The following FRMD4B variants were observed in gnomAD, a reference collection of about 807,000 sequenced individuals.
FRMD4B encodes the protein FERM domain containing 4B.
A neutral mutation model predicts 141.5 loss-of-function variants in FRMD4B; 74 were observed. The observed-to-expected ratio is 0.52, with a 90% CI of 0.43 to 0.63. The LOEUF is 0.63. Among genes scored for constraint, FRMD4B ranks in the 30% least tolerant of loss-of-function variants. The pLI, the probability that FRMD4B is intolerant of heterozygous loss-of-function variation, is 0.00. For missense variants in FRMD4B, 1,366 were observed against 1,253.4 expected, an observed-to-expected ratio of 1.09 and a Z score of -1.36; for synonymous variants, 506 against 467.9, an observed-to-expected ratio of 1.08 and a Z score of -1.05.
At chr3:69,189,643 C>G (rs2092814770) in intron 18 of FRMD4B, among the ~76,000 whole-genome samples, 1 of 152,286 alleles carries the variant, frequency 6.6e-6, no homozygotes, top group East Asian at 1.9e-4. Flanking sequence ...TACTGAGAGA[C>G]TTAGATACTC....
chr3:69,495,687 A>G (rs1376729941), intron 1 of FRMD4B, among the ~76,000 whole-genome samples: 2 of 152,180 alleles, frequency 1.3e-5, no homozygotes, highest in African/African-American at 4.8e-5. Context: ...TGAGTGAGTA[A>G]GGATTAAGTG....
chr3:69,411,656 T>C (rs567781700), intron 2 of FRMD4B, among the ~76,000 whole-genome samples: 3 of 152,344 alleles, frequency 2.0e-5, no homozygotes, highest in South Asian at 4.1e-4. Flanking sequence ...ATCTCCTGTC[T>C]AGGGAAACTT....
intron 1 of FRMD4B, among the ~76,000 whole-genome samples, chr3:69,514,264 C>T (rs142629361): frequency 2.2e-4 from 34 of 151,908 alleles, no homozygotes; most frequent in African/African-American, 7.2e-4. Context: ...TTACAATGAA[C>T]AATTTGAAAA....
At chr3:69,241,606 A>C (rs566994306) in intron 7 of FRMD4B, among the ~76,000 whole-genome samples, 1 of 152,292 alleles carries the variant, frequency 6.6e-6, no homozygotes, top group Admixed American at 6.5e-5. Flanking sequence ...GATACAAAAA[A>C]AGAAACTGGT....
At chr3:69,177,200 A>G (rs1057022641) in intron 21 of FRMD4B, among the ~76,000 whole-genome samples, 1 of 152,094 alleles carries the variant, frequency 6.6e-6, no homozygotes, top group Non-Finnish European at 1.5e-5. Flanking sequence ...TTAGCTGGGC[A>G]TGGTGGCGCA....
At chr3:69,417,596 T>G (rs949575933) in intron 2 of FRMD4B, among the ~76,000 whole-genome samples, 1 of 152,238 alleles carries the variant, frequency 6.6e-6, no homozygotes, top group Non-Finnish European at 1.5e-5. Context: ...TTGCTTTTGG[T>G]GTTTTAGTCA....
At chr3:69,240,152 TTAC>T (rs2093371319) in intron 7 of FRMD4B, among the ~76,000 whole-genome samples, 2 of 151,994 alleles carry the variant, frequency 1.3e-5, no homozygotes, top group African/African-American at 4.8e-5. Context: ...TATGTATATT[TTAC>T]TACAATTTAA....
At chr3:69,255,897 A>G (rs1361691712) in intron 5 of FRMD4B, among the ~76,000 whole-genome samples, 1 of 152,200 alleles carries the variant, frequency 6.6e-6, no homozygotes, top group Non-Finnish European at 1.5e-5. Flanking sequence ...ACTGCTGAGC[A>G]GAGTCAGACT....
At chr3:69,292,262 A>G (rs770079884) in intron 4 of FRMD4B, among the ~76,000 whole-genome samples, 1 of 152,168 alleles carries the variant, frequency 6.6e-6, no homozygotes, top group African/African-American at 2.4e-5. Context: ...GCACCACAGG[A>G]GAGGGGACAG....
chr3:69,375,037 C>T (rs1315712479), intron 1 of FRMD4B, among the ~76,000 whole-genome samples: 1 of 148,976 alleles, frequency 6.7e-6, no homozygotes, highest in African/African-American at 2.5e-5. Context: ...TCCATCCACC[C>T]ACCCACCCAC....
chr3:69,431,631 A>G (rs77818553), intron 2 of FRMD4B, among the ~76,000 whole-genome samples: 1,907 of 152,288 alleles, frequency 0.013, 42 homozygotes, highest in African/African-American at 0.043. Context: ...AGGTTTTAAT[A>G]TCACCCGCAT....
chr3:69,521,996 T>C (rs1700861095), intron 1 of FRMD4B, among the ~76,000 whole-genome samples: 1 of 152,234 alleles, frequency 6.6e-6, no homozygotes, highest in African/African-American at 2.4e-5. Flanking sequence ...AATCAATGAA[T>C]GCACCCTTTA....
chr3:69,306,152 A>T (rs1357601531), intron 3 of FRMD4B, among the ~76,000 whole-genome samples: 2 of 152,260 alleles, frequency 1.3e-5, no homozygotes, highest in African/African-American at 4.8e-5. Context: ...ATTTTTTAAA[A>T]AATGCCCATA....
chr3:69,437,640 T>C (rs1257482097), intron 1 of FRMD4B, among the ~76,000 whole-genome samples: 3 of 135,946 alleles, frequency 2.2e-5, no homozygotes, highest in Non-Finnish European at 4.6e-5. Flanking sequence ...ATATACTATA[T>C]ATATACAGAG....
At chr3:69,211,677 G>C (rs528751968) in intron 11 of FRMD4B, among the ~76,000 whole-genome samples, 1 of 152,138 alleles carries the variant, frequency 6.6e-6, no homozygotes, top group Admixed American at 6.5e-5. Flanking sequence ...GTAACAAGAC[G>C]GGATGTGGCT....
At chr3:69,329,799 C>T (rs985142820) in intron 1 of FRMD4B, among the ~76,000 whole-genome samples, 4 of 151,750 alleles carry the variant, frequency 2.6e-5, no homozygotes, top group Non-Finnish European at 5.9e-5. Context: ...CCCAAAGTGC[C>T]GGGATTTGTT....
intron 1 of FRMD4B, among the ~76,000 whole-genome samples, chr3:69,379,189 G>A (rs1575777303): frequency 2.0e-5 from 3 of 152,248 alleles, no homozygotes; most frequent in East Asian, 3.9e-4. Flanking sequence ...ATCAATCTAT[G>A]ACTCCAATCA....
chr3:69,486,022 G>C (rs1266285195), intron 1 of FRMD4B, among the ~76,000 whole-genome samples: 1 of 152,212 alleles, frequency 6.6e-6, no homozygotes, highest in East Asian at 1.9e-4. Flanking sequence ...ATGCATTCTA[G>C]AATACAATGC....
At chr3:69,228,291 C>T (rs1173612675) in intron 7 of FRMD4B, 1 of 456,304 alleles carries the variant, frequency 2.2e-6, no homozygotes, top group East Asian at 6.9e-5. Flanking sequence ...TTTAGACTTA[C>T]AGAATTTTTC....
Sources: gnomAD v4.1 joint callset for allele counts (sites outside exome capture counted in the v4.1 genomes callset) on GRCh38, gnomAD v4.1.1 for gene constraint, MANE v1.5 for transcripts, NCBI Gene and HGNC (gene_info 2026-07-23, HGNC 2026-07-21) for gene names.